The following MNT variants were observed in gnomAD, a reference collection of about 807,000 sequenced individuals.
MNT encodes the protein max-binding protein MNT.
In MNT, 13 loss-of-function variants were observed where a neutral mutation model predicts 40.7. The observed-to-expected ratio is 0.32, with a 90% CI of 0.21 to 0.51. The LOEUF is 0.51. MNT is among the 20% of genes least tolerant of loss of function. MNT has a pLI of 0.98. For synonymous variants in MNT, 426 were observed against 354.8 expected, an observed-to-expected ratio of 1.20 and a Z score of -2.26; for missense variants, 757 against 792.0, an observed-to-expected ratio of 0.96 and a Z score of 0.53.
Position 2,397,962 on chromosome 17 carries a change from G to T in MNT, c.74-2508C>A, listed in dbSNP as rs369134515. 9.8e-5 allele frequency among the ~76,000 whole-genome samples: 15 copies of T among 152,350 alleles called. No individual in the cohort carries two copies. In the East Asian group the frequency reaches 2.3e-3, roughly 23 times the overall value. Reference sequence around the variant, plus strand: ...CCTCTGCAGTGACCCAGGGGCCAAGGCTTCCGCCCACAGTCAAGAGCAGAG... The same window carrying T: ...CCTCTGCAGTGACCCAGGGGCCAAGTCTTCCGCCCACAGTCAAGAGCAGAG... On this transcript the variant is annotated intron_variant, in intron 1 of 5. Transcript: ENST00000174618.
chr17:2,391,440 T>C (rs1031017091), intron 4 of MNT: 5 of 152,270 alleles, frequency 3.3e-5, no homozygotes, highest in Admixed American at 2.6e-4. Flanking sequence ...GGGAGTGACA[T>C]GGGTCAAAAG....
chr17:2,393,986 G>C, intron 4 of MNT, 57 bp downstream of exon 4: 1 of 1,278,174 alleles, frequency 7.8e-7, no homozygotes, highest in South Asian at 1.4e-5. Context: ...GGCCGGGGGA[G>C]GGGCGGCGGA....
Position 2,386,978 on chromosome 17 carries a change from C to A in MNT, c.1672G>T (p.Val558Leu). 1 of 1,523,758 alleles carries A rather than the reference C, an allele frequency of 6.6e-7. No individual in the cohort carries two copies. Among genetic ancestry groups the A allele is most frequent in the Non-Finnish European group, 8.8e-7 (1 of 1,133,000 alleles). The allele number at this position is 1,523,758 out of a possible 1,614,324, so 94.4% of individuals were successfully genotyped here. A position where few individuals can be genotyped will look rare whatever the true frequency, so the allele number is the denominator to read the frequency against. ...ACAGGGTTGAGCACGGTCTGGCCCACCAGCTGGGGGTGGTGCACCACCTGA... is the reference window on the plus strand; with the variant it reads ...ACAGGGTTGAGCACGGTCTGGCCCAACAGCTGGGGGTGGTGCACCACCTGA... ...GAQVVHHPQL[V>L]GQTVLNPVTM... The change falls in exon 6 of 6, where the codon GTG (valine) becomes TTG (leucine). Residue 558 changes from valine (V) to leucine (L), a missense_variant. Physicochemically the swap from Val to Leu is conservative, Grantham distance 32 (BLOSUM62 1). Coordinates refer to ENST00000174618, the MANE Select transcript of MNT (RefSeq NM_020310.3).
In MNT at chr17:2,385,218, A is replaced by G. The variant is rs974143449; in HGVS notation, c.*1683T>C. On this transcript the variant is annotated 3_prime_UTR_variant, in exon 6 of 6. Coordinates refer to ENST00000174618, the MANE Select transcript of MNT (RefSeq NM_020310.3). ...AGGAGGGAACAGGAAGGGAATTTTT[A>G]GGCATCTAAGGATTCTTTATTTCCA... 9.8e-5 allele frequency: 15 copies of G among 152,306 alleles called. No individual in the cohort carries two copies. The highest frequency in any genetic ancestry group is 3.6e-4 in the African/African-American group (15 of 41,444). The allele number at this position is 152,306 out of a possible 1,614,324, so 9.4% of individuals were successfully genotyped here. A position where few individuals can be genotyped will look rare whatever the true frequency, so the allele number is the denominator to read the frequency against.
intron 1 of MNT, among the ~76,000 whole-genome samples, chr17:2,398,268 C>T (rs770944471): frequency 6.6e-6 from 1 of 152,238 alleles, no homozygotes; most frequent in African/African-American, 2.4e-5. Flanking sequence ...GCCAGGCCTT[C>T]CGTCTGGGCA....
chr17:2,398,123 G>C (rs754516010), intron 1 of MNT, among the ~76,000 whole-genome samples: 3 of 152,256 alleles, frequency 2.0e-5, no homozygotes, highest in Non-Finnish European at 2.9e-5. Flanking sequence ...TAAACAGGAG[G>C]CTTGGTGCCT....
At chr17:2,388,770 C>T (rs552866793) in intron 4 of MNT, among the ~76,000 whole-genome samples, 28 of 152,328 alleles carry the variant, frequency 1.8e-4, no homozygotes, top group African/African-American at 5.5e-4. Context: ...CTCCCCTCCA[C>T]ACTCAGTCTT....
chr17:2,395,288 A>G lies in MNT; in HGVS notation c.240T>C (p.Leu80=). The change falls in exon 2 of 6, where the codon CTT becomes CTC. Residue 80 remains leucine (L), a synonymous_variant. Transcript: ENST00000174618. ...PAPPPAPPPP[L]ATPAPLTVIP... ...TGACAGTCAGTGGGGCAGGGGTGGCAAGTGGTGGTGGGGGTGCCGGCGGGG... is the reference window on the plus strand; with the variant it reads ...TGACAGTCAGTGGGGCAGGGGTGGCGAGTGGTGGTGGGGGTGCCGGCGGGG... 1 of 1,567,400 alleles carries G rather than the reference A, an allele frequency of 6.4e-7. No homozygotes were observed. Among genetic ancestry groups the G allele is most frequent in the Non-Finnish European group, 8.7e-7 (1 of 1,151,410 alleles).
intron 1 of MNT, among the ~76,000 whole-genome samples, chr17:2,398,454 G>A (rs893344473): frequency 2.0e-5 from 3 of 152,230 alleles, no homozygotes; most frequent in African/African-American, 7.2e-5. Context: ...GTTCTGGTCA[G>A]CAGGTTCACC....
intron 2 of MNT, among the ~76,000 whole-genome samples, chr17:2,394,576 G>C (rs2066559601): frequency 6.6e-6 from 1 of 152,068 alleles, no homozygotes; most frequent in Non-Finnish European, 1.5e-5. Flanking sequence ...GGAGACAGGA[G>C]GACTCCTGGG....
At position 2,400,925 on chromosome 17, in the gene MNT, A is replaced by T. The variant is rs2066610951; in HGVS notation, c.-213T>A. 2.5e-6 allele frequency: 1 copy of T among 395,612 alleles called. No homozygotes were observed. The highest frequency in any genetic ancestry group is 4.5e-6 in the Non-Finnish European group (1 of 222,750). The allele number at this position is 395,612 out of a possible 1,614,324, so 24.5% of individuals were successfully genotyped here. On this transcript the variant is annotated 5_prime_UTR_variant, in exon 1 of 6. Coordinates refer to ENST00000174618, the MANE Select transcript of MNT (RefSeq NM_020310.3). Reference sequence around the variant, plus strand: ...TTGCAAAATATAAAATTGCAAATTTAAAAAAATGGGATGCAAAAAAAAAAA... The same window carrying T: ...TTGCAAAATATAAAATTGCAAATTTTAAAAAATGGGATGCAAAAAAAAAAA...
intron 3 of MNT, 44 bp downstream of exon 3, chr17:2,394,261 G>C (rs577452045): frequency 1.3e-6 from 2 of 1,530,242 alleles, no homozygotes; most frequent in Admixed American, 2.0e-5. Flanking sequence ...CCCGGGTCGC[G>C]CGCGCACGCA....
chr17:2,394,277 GCACACACACACACACACACA>G lies in MNT; in HGVS notation c.695+8_695+27del. 1.3e-6 allele frequency: 2 copies of G among 1,487,680 alleles called. No individual in the cohort carries two copies. The highest frequency in any genetic ancestry group is 1.8e-6 in the Non-Finnish European group (2 of 1,106,846). The allele number at this position is 1,487,680 out of a possible 1,614,324, so 92.2% of individuals were successfully genotyped here. A position where few individuals can be genotyped will look rare whatever the true frequency, so the allele number is the denominator to read the frequency against. ...CCGGGTCGCGCGCGCACGCACGCAC[GCACACACACACACACACACA>G]CACACACCTGTTCTTCTCCAATTTG... On this transcript the variant is annotated splice_region_variant and intron_variant, in intron 3 of 5. Transcript: ENST00000174618.
Position 2,393,718 on chromosome 17 carries a change from T to G in MNT, c.807+325A>C, listed in dbSNP as rs1036062829. The G allele has an allele frequency of 3.2e-5, 5 of 158,298 alleles. No individual in the cohort carries two copies. The Admixed American group carries it at 3.2e-4, about 10-fold the overall frequency. The allele number at this position is 158,298 out of a possible 1,614,324, so 9.8% of individuals were successfully genotyped here. ...GCCCCATGCCCTTCCCTCCCGCGGC[T>G]GCACCAACACGCGCGAACGGGAGCC... On this transcript the variant is annotated intron_variant, in intron 4 of 5. Transcript: ENST00000174618.
intron 2 of MNT, 46 bp downstream of exon 2, chr17:2,394,829 A>T: frequency 7.1e-7 from 1 of 1,406,766 alleles, no homozygotes; most frequent in East Asian, 2.5e-5. Flanking sequence ...GGGGATGGGC[A>T]CCTCTCCTAT....
Position 2,387,402 on chromosome 17 carries a change from C to T in MNT, c.1248G>A (p.Pro416=), listed in dbSNP as rs767753203. The change falls in exon 6 of 6, where the codon CCG becomes CCA. Residue 416 remains proline (P), a synonymous_variant. Transcript: ENST00000174618. ...GCACCAGTGTCTGGGCAGGGGCAGC[C>T]GGTGGGGGAGGAGGGGCTGGCAGAG... ...KTPLPAPPPP[P]AAPAQTLVPA... The T allele has an allele frequency of 5.0e-5, 81 of 1,610,942 alleles. No individual in the cohort carries two copies. The highest frequency in any genetic ancestry group is 3.5e-4 in the African/African-American group (26 of 74,814).
intron 1 of MNT, chr17:2,396,556 T>G (rs2151671765): frequency 1.3e-5 from 2 of 152,360 alleles, no homozygotes; most frequent in East Asian, 3.9e-4. Flanking sequence ...AGCAGGGCAG[T>G]GCACCCCACC....
intron 1 of MNT, among the ~76,000 whole-genome samples, chr17:2,398,302 C>G (rs757639678): frequency 3.9e-5 from 6 of 152,208 alleles, no homozygotes; most frequent in African/African-American, 7.2e-5. Context: ...GCCCTTTCCC[C>G]TCTCTCTCAC....
chr17:2,397,075 G>A (rs549750050), intron 1 of MNT, among the ~76,000 whole-genome samples: 1 of 152,294 alleles, frequency 6.6e-6, no homozygotes, highest in East Asian at 1.9e-4. Context: ...AGCGTCCTGG[G>A]AGGGGAAGCC....
Sources: allele counts gnomAD v4.1 joint callset (sites outside exome capture counted in the v4.1 genomes callset), GRCh38; gene constraint gnomAD v4.1.1; transcripts MANE v1.5; gene names NCBI Gene and HGNC (gene_info 2026-07-23, HGNC 2026-07-21).